The following BMPR1B variants were observed in gnomAD, a reference collection of about 807,000 sequenced individuals.
BMPR1B encodes bone morphogenetic protein receptor type-1B.
A neutral mutation model predicts 59.1 loss-of-function variants in BMPR1B; 12 were observed. The ratio of observed to expected loss-of-function variants is 0.20; its 90% CI spans 0.13 to 0.33. The LOEUF is 0.33. Among genes scored for constraint, BMPR1B ranks in the 10% least tolerant of loss-of-function variants. The pLI, the probability that BMPR1B is intolerant of heterozygous loss-of-function variation, is 1.00. For missense variants in BMPR1B, 550 were observed against 610.9 expected (o/e 0.90, Z 1.05); for synonymous variants, 237 against 207.3 (o/e 1.14, Z -1.23).
chr4:94,919,760 A>G (rs1443293908), intron 2 of BMPR1B, among the ~76,000 whole-genome samples: 1 of 152,166 alleles, frequency 6.6e-6, no homozygotes. Flanking sequence ...AGCTCTTGAT[A>G]TGGGAATGGG....
In BMPR1B at chr4:95,154,653, T is replaced by G. The variant is rs1460265958; in HGVS notation, c.1489T>G (p.Ser497Ala). The G allele has an allele frequency of 6.2e-7, 1 of 1,613,930 alleles. No homozygotes were observed. Among genetic ancestry groups the G allele is most frequent in the South Asian group, 1.1e-5 (1 of 91,078 alleles). ...GAAAACACTTGCCAAAATGTCAGAG[T>G]CCCAGGACATTAAACTCTGATAGGA... ...VKKTLAKMSE[S>A]QDIKL Residue 497 changes from serine to alanine, a missense_variant, in exon 13 of 13, where the codon TCC (serine) becomes GCC (alanine). Transcript: ENST00000515059.
rs892586583 is a variant in BMPR1B at position 94,975,366 on chromosome 4, T to G, written c.-112-20674T>G. 7.3e-4 allele frequency among the ~76,000 whole-genome samples: 98 copies of G among 134,902 alleles called. 1 individual carries two copies. The highest frequency in any genetic ancestry group is 1.0e-3 in the Non-Finnish European group (68 of 65,014). 88.5% of individuals were successfully genotyped at this position (134,902 alleles called of 152,430 possible). ...ATCTTAATTTCCTTTTGTTTTTGTT[T>G]TTTTTTTTTTTTTTTGAGACGGGGT... On this transcript the variant is annotated intron_variant, in intron 2 of 12. Coordinates refer to ENST00000515059, the MANE Select transcript of BMPR1B (RefSeq NM_001203.3).
intron 12 of BMPR1B, among the ~76,000 whole-genome samples, chr4:95,153,750 T>A (rs1275488731): frequency 6.6e-6 from 1 of 152,156 alleles, no homozygotes; most frequent in Non-Finnish European, 1.5e-5. Flanking sequence ...CTCGGGAGAT[T>A]GATGCACGAG....
At chr4:94,809,881 G>C (rs143653468) in intron 1 of BMPR1B, among the ~76,000 whole-genome samples, 1 of 152,320 alleles carries the variant, frequency 6.6e-6, no homozygotes, top group East Asian at 1.9e-4. Context: ...CCTGAGGAGA[G>C]GCCTTAGATG....
At chr4:94,878,614 C>G (rs1405704028) in intron 2 of BMPR1B, among the ~76,000 whole-genome samples, 1 of 152,140 alleles carries the variant, frequency 6.6e-6, no homozygotes, top group Non-Finnish European at 1.5e-5. Context: ...ATGTGGCTCC[C>G]AGCCAGATAA....
At chr4:94,779,119 C>A (rs562065266) in intron 1 of BMPR1B, among the ~76,000 whole-genome samples, 15 of 152,000 alleles carry the variant, frequency 9.9e-5, no homozygotes, top group Non-Finnish European at 2.1e-4. Flanking sequence ...TAATGATATT[C>A]TCTTAATAGT....
At chr4:94,759,150 T>G (rs1378864406) in intron 1 of BMPR1B, among the ~76,000 whole-genome samples, 4 of 152,234 alleles carry the variant, frequency 2.6e-5, no homozygotes, top group Non-Finnish European at 5.9e-5. Context: ...TTGTTCTGAA[T>G]GGAAACGCTG....
intron 2 of BMPR1B, among the ~76,000 whole-genome samples, chr4:94,951,708 CCTG>C (rs1389767296): frequency 6.6e-6 from 1 of 152,018 alleles, no homozygotes; most frequent in African/African-American, 2.4e-5. Flanking sequence ...GCGATATTGG[CCTG>C]AAATTTTCTT....
At chr4:95,139,704 C>T (rs1248292775) in intron 10 of BMPR1B, among the ~76,000 whole-genome samples, 1 of 151,506 alleles carries the variant, frequency 6.6e-6, no homozygotes, top group Admixed American at 6.6e-5. Context: ...GGCGTGGGAC[C>T]CTCCGAGCCG....
chr4:94,861,272 C>T (rs982424295), intron 1 of BMPR1B, among the ~76,000 whole-genome samples: 2 of 152,148 alleles, frequency 1.3e-5, no homozygotes, highest in Non-Finnish European at 2.9e-5. Context: ...CACTTGCTTA[C>T]CTCTCACAGG....
intron 2 of BMPR1B, among the ~76,000 whole-genome samples, chr4:94,908,233 C>T (rs17501169): frequency 0.067 from 10,062 of 151,260 alleles, 474 homozygotes; most frequent in Middle Eastern, 0.16. Flanking sequence ...TTAGAAGGTT[C>T]GATAGTATGT....
At chr4:95,037,345 A>G (rs974596781) in intron 3 of BMPR1B, among the ~76,000 whole-genome samples, 11 of 152,218 alleles carry the variant, frequency 7.2e-5, no homozygotes, top group African/African-American at 2.7e-4. Context: ...TCATTCAGGA[A>G]AGTATTTTCC....
intron 3 of BMPR1B, among the ~76,000 whole-genome samples, chr4:95,052,996 G>A (rs1292099230): frequency 6.6e-6 from 1 of 152,054 alleles, no homozygotes; most frequent in Non-Finnish European, 1.5e-5. Context: ...CATTGCCTGA[G>A]AGTCATTTTT....
intron 1 of BMPR1B, among the ~76,000 whole-genome samples, chr4:94,788,799 T>C (rs1255345057): frequency 1.3e-5 from 2 of 152,142 alleles, no homozygotes; most frequent in African/African-American, 4.8e-5. Flanking sequence ...TTGCACCAGA[T>C]CCAGTTTATC....
chr4:95,033,225 C>T (rs959066971), intron 3 of BMPR1B, among the ~76,000 whole-genome samples: 6 of 152,024 alleles, frequency 3.9e-5, no homozygotes, highest in Admixed American at 3.9e-4. Context: ...TATTTTCTTC[C>T]ATCCCTTAGG....
At chr4:95,069,144 T>C (rs958353031) in intron 3 of BMPR1B, among the ~76,000 whole-genome samples, 1 of 152,196 alleles carries the variant, frequency 6.6e-6, no homozygotes, top group African/African-American at 2.4e-5. Context: ...TGAGGACTTA[T>C]TATATATCTT....
chr4:95,098,328 C>A (rs1419679807), intron 3 of BMPR1B, among the ~76,000 whole-genome samples: 1 of 152,074 alleles, frequency 6.6e-6, no homozygotes, highest in Non-Finnish European at 1.5e-5. Context: ...TTTTTAATGT[C>A]ATAGCTGATA....
chr4:94,888,847 C>G (rs1383011911), intron 2 of BMPR1B, among the ~76,000 whole-genome samples: 1 of 151,920 alleles, frequency 6.6e-6, no homozygotes, highest in African/African-American at 2.4e-5. Context: ...TGATATACTT[C>G]TAATATATCA....
At chr4:95,026,370 T>C (rs1029920716) in intron 3 of BMPR1B, among the ~76,000 whole-genome samples, 2 of 152,014 alleles carry the variant, frequency 1.3e-5, no homozygotes, top group Non-Finnish European at 2.9e-5. Context: ...CTGAACCTCC[T>C]GCAAAATAAC....
Sources: gnomAD v4.1 joint callset for allele counts (sites outside exome capture counted in the v4.1 genomes callset) on GRCh38, gnomAD v4.1.1 for gene constraint, MANE v1.5 for transcripts, NCBI Gene and HGNC (gene_info 2026-07-23, HGNC 2026-07-21) for gene names.